WWC2: variants seen among roughly 807,000 people sequenced by gnomAD.
The protein encoded by WWC2 is WW and C2 domain containing 2.
A neutral mutation model predicts 138.5 loss-of-function variants in WWC2; 101 were observed. The ratio of observed to expected loss-of-function variants is 0.73; its 90% CI spans 0.62 to 0.86. WWC2 has a LOEUF of 0.86. Ranked by LOEUF, WWC2 falls within the 40% of genes least tolerant of loss-of-function variation. The probability of loss-of-function intolerance (pLI) is 0.00; values close to 1 mark genes in which losing one functional copy is unlikely to be tolerated. For missense variants in WWC2, 1,420 were observed against 1,419.4 expected (o/e 1.00, Z -0.01); for synonymous variants, 558 against 538.4 (o/e 1.04, Z -0.50).
chr4:183,197,969 G>A (rs13111273), intron 2 of WWC2, among the ~76,000 whole-genome samples: 21,686 of 152,142 alleles, frequency 0.14, 1,742 homozygotes, highest in East Asian at 0.24. Flanking sequence ...AGTTTTGTCT[G>A]TTCTGGAACT....
At chr4:183,210,887 A>T (rs1009831405) in intron 4 of WWC2, among the ~76,000 whole-genome samples, 3 of 152,230 alleles carry the variant, frequency 2.0e-5, no homozygotes, top group Non-Finnish European at 4.4e-5. Context: ...ATACCGTCTT[A>T]TATGCAGGGA....
At chr4:183,143,675 G>T (rs1733368207) in intron 1 of WWC2, among the ~76,000 whole-genome samples, 2 of 151,826 alleles carry the variant, frequency 1.3e-5, no homozygotes, top group Non-Finnish European at 2.9e-5. Flanking sequence ...GGGCATGGTG[G>T]TGTGAGCCTG....
chr4:183,310,433 A>C (rs1739172201), intron 21 of WWC2, among the ~76,000 whole-genome samples: 1 of 152,212 alleles, frequency 6.6e-6, no homozygotes, highest in African/African-American at 2.4e-5. Flanking sequence ...ATATATTGTT[A>C]ATTTTTAATA....
At chr4:183,256,890 C>T (rs1428030208) in intron 9 of WWC2, among the ~76,000 whole-genome samples, 2 of 19,776 alleles carry the variant, frequency 1.0e-4, no homozygotes, top group South Asian at 4.9e-3. Context: ...TACAGCCCCC[C>T]CCCCCCCCCC....
rs1735049381 is a variant in WWC2, at chr4:183,193,607, A to T, written c.140A>T (p.Lys47Met). 6 of 1,613,736 alleles carry T rather than the reference A, an allele frequency of 3.7e-6. No individual in the cohort carries two copies. The South Asian group carries it at 6.6e-5, about 18-fold the overall frequency. The change falls in exon 2 of 23, where the codon AAG (lysine) becomes ATG (methionine). Residue 47 changes from lysine (K) to methionine (M), a missense_variant. Transcript: ENST00000403733. ...SWIDPRDRLT[K>M]PLSFADCVGD... The stretch of plus-strand genomic sequence containing the variant: ...ATTCTGGTTTGTTGTAGGTTAACGA[A>T]GCCCTTGTCATTTGCTGATTGTGTT...
chr4:183,317,476 A>T lies in WWC2; in HGVS notation c.*1747A>T, dbSNP rs1192514814. 6.6e-6 allele frequency: 1 copy of T among 152,650 alleles called. No homozygotes were observed. The highest frequency in any genetic ancestry group is 1.5e-5 in the Non-Finnish European group (1 of 68,030). The allele number at this position is 152,650 out of a possible 1,614,324, so 9.5% of individuals were successfully genotyped here. ...CCCAGTTCATTCTATTAGATGACTA[A>T]GGAAAACTAGAAAAAGAATACAGTT... On this transcript the variant is annotated 3_prime_UTR_variant, in exon 23 of 23. Coordinates refer to ENST00000403733, the MANE Select transcript of WWC2 (RefSeq NM_024949.6).
intron 20 of WWC2, 59 bp from the exon 21 acceptor site, chr4:183,289,334 G>T (rs949317036): frequency 3.6e-5 from 57 of 1,565,254 alleles, no homozygotes; most frequent in Non-Finnish European, 4.9e-5. Context: ...AGGAGGGGAA[G>T]TGGGGTAACC....
intron 21 of WWC2, among the ~76,000 whole-genome samples, chr4:183,300,284 G>A (rs539775570): frequency 1.3e-5 from 2 of 151,898 alleles, no homozygotes; most frequent in Non-Finnish European, 2.9e-5. Flanking sequence ...AAAGCATGCC[G>A]AGAGAGGACT....
intron 3 of WWC2, 66 bp from the exon 4 acceptor site, chr4:183,208,883 A>T: frequency 8.9e-7 from 1 of 1,127,900 alleles, no homozygotes; most frequent in East Asian, 2.6e-5. Context: ...AGCTTCAGTA[A>T]ATTCTAAGCT....
At position 183,318,588 on chromosome 4, in the gene WWC2, CAA is replaced by C. The variant is rs879176114; in HGVS notation, c.*2860_*2861del. On this transcript the variant is annotated 3_prime_UTR_variant, in exon 23 of 23. Transcript: ENST00000403733. ...TTTATTTCCCTGATTGGCACAAACA[CAA>C]GAGTTTCCTTGAACCATGTACCAAG... The C allele has an allele frequency of 1.3e-5, 2 of 152,182 alleles. No homozygotes were observed. The highest frequency in any genetic ancestry group is 4.2e-4 in the South Asian group (2 of 4,810). 9.4% of individuals were successfully genotyped at this position (152,182 alleles called of 1,614,324 possible).
intron 16 of WWC2, among the ~76,000 whole-genome samples, chr4:183,279,654 T>G (rs1327966935): frequency 6.6e-6 from 1 of 151,942 alleles, no homozygotes; most frequent in Non-Finnish European, 1.5e-5. Flanking sequence ...CAATTTCAGA[T>G]CCTGTTATTG....
intron 4 of WWC2, among the ~76,000 whole-genome samples, chr4:183,218,716 G>A (rs1580069634): frequency 6.6e-6 from 1 of 152,154 alleles, no homozygotes; most frequent in East Asian, 1.9e-4. Flanking sequence ...CGGAGACCCA[G>A]GAAAGCTGGC....
chr4:183,173,661 G>A (rs1175225709), intron 1 of WWC2, among the ~76,000 whole-genome samples: 1 of 151,874 alleles, frequency 6.6e-6, no homozygotes, highest in Non-Finnish European at 1.5e-5. Flanking sequence ...GATGATCGAT[G>A]CTTGTGTTGA....
intron 16 of WWC2, among the ~76,000 whole-genome samples, chr4:183,278,293 T>A (rs1034462113): frequency 6.6e-6 from 1 of 152,008 alleles, no homozygotes; most frequent in Non-Finnish European, 1.5e-5. Flanking sequence ...GTTGTAGATA[T>A]GTGGTGTTAT....
chr4:183,155,239 G>A (rs1456137546), intron 1 of WWC2, among the ~76,000 whole-genome samples: 5 of 145,476 alleles, frequency 3.4e-5, no homozygotes, highest in African/African-American at 1.4e-4. Context: ...TTGACGTGGT[G>A]AGGACAGGCT....
intron 1 of WWC2, among the ~76,000 whole-genome samples, chr4:183,166,543 G>C (rs1734136048): frequency 1.3e-5 from 2 of 152,150 alleles, no homozygotes; most frequent in Non-Finnish European, 2.9e-5. Context: ...AGTGAAGCAG[G>C]CCTGAGTTCG....
intron 1 of WWC2, among the ~76,000 whole-genome samples, chr4:183,188,037 G>A (rs1734866059): frequency 6.6e-6 from 1 of 152,122 alleles, no homozygotes; most frequent in Non-Finnish European, 1.5e-5. Context: ...GAAAAAATTA[G>A]TATGTCACAA....
At chr4:183,188,241 C>G (rs1054987729) in intron 1 of WWC2, among the ~76,000 whole-genome samples, 1 of 151,878 alleles carries the variant, frequency 6.6e-6, no homozygotes, top group East Asian at 1.9e-4. Context: ...GTGACGTGTT[C>G]TTTTGTTTTG....
chr4:183,268,894 G>A (rs947242087), intron 14 of WWC2, 77 bp from the exon 15 acceptor site: 3 of 1,393,782 alleles, frequency 2.2e-6, no homozygotes, highest in Non-Finnish European at 2.9e-6. Flanking sequence ...TCTCTTTGCA[G>A]ATAATTTCAA....
Sources: allele counts gnomAD v4.1 joint callset (sites outside exome capture counted in the v4.1 genomes callset), GRCh38; gene constraint gnomAD v4.1.1; transcripts MANE v1.5; gene names NCBI Gene and HGNC (gene_info 2026-07-23, HGNC 2026-07-21).